Variants in TMEM132D observed in about 807,000 individuals in gnomAD.
TMEM132D encodes mature OL transmembrane protein.
Under a neutral mutation model 62.3 loss-of-function variants are expected in TMEM132D, and 21 were observed. That is an observed-to-expected ratio of 0.34 (90% confidence interval 0.24 to 0.49). The LOEUF (loss-of-function observed/expected upper bound fraction) is 0.49, where lower values mean the gene tolerates loss of function less well. Among genes scored for constraint, TMEM132D ranks in the 20% least tolerant of loss-of-function variants. The pLI, the probability that TMEM132D is intolerant of heterozygous loss-of-function variation, is 0.99. For synonymous variants in TMEM132D, 621 were observed against 575.6 expected, an observed-to-expected ratio of 1.08 and a Z score of -1.13; for missense variants, 1,346 against 1,402.8, an observed-to-expected ratio of 0.96 and a Z score of 0.65.
chr12:129,147,283 CATGTGCATATGTATATATATACAT>C (rs1565978405), intron 5 of TMEM132D, among the ~76,000 whole-genome samples: 1 of 146,566 alleles, frequency 6.8e-6, no homozygotes, highest in Non-Finnish European at 1.5e-5. Context: ...TATATATATA[CATGTGCATATGTATATATATACAT>C]ATGTGTATAT....
In TMEM132D at chr12:129,779,812, G is replaced by C. The variant is rs895121095; in HGVS notation, c.80-79114C>G. Among the ~76,000 whole-genome samples the C allele has an allele frequency of 6.6e-6, 1 of 152,112 alleles. No individual in the cohort carries two copies. The highest frequency in any genetic ancestry group is 1.5e-5 in the Non-Finnish European group (1 of 68,024). On this transcript the variant is annotated intron_variant, in intron 1 of 8. Transcript: ENST00000422113. This position sits in a 1 kb window ranked among gnomAD's most constrained non-coding sequence, Gnocchi z 4.1. The stretch of plus-strand genomic sequence containing the variant: ...CTCATGACGGCCTTAAGGTCTCTAT[G>C]CCACTTGGGGAAGACAGAGAGAAAT...
intron 1 of TMEM132D, among the ~76,000 whole-genome samples, chr12:129,750,822 G>A (rs1371263183): frequency 6.6e-6 from 1 of 152,054 alleles, no homozygotes; most frequent in African/African-American, 2.4e-5. Context: ...GTAGCTAGAA[G>A]AGAGGTTTTT....
chr12:129,106,480 T>A (rs1565965915), intron 5 of TMEM132D, among the ~76,000 whole-genome samples: 1 of 151,682 alleles, frequency 6.6e-6, no homozygotes, highest in Non-Finnish European at 1.5e-5. Flanking sequence ...AGTTAAAAAA[T>A]AAAAAAATAG....
intron 3 of TMEM132D, among the ~76,000 whole-genome samples, chr12:129,375,004 T>C (rs562785297): frequency 6.6e-5 from 10 of 152,318 alleles, no homozygotes; most frequent in Non-Finnish European, 1.3e-4. Context: ...CTCAGGGACC[T>C]GACCTAGTCT....
intron 2 of TMEM132D, among the ~76,000 whole-genome samples, chr12:129,683,667 C>T (rs867193869): frequency 3.3e-5 from 5 of 152,146 alleles, no homozygotes; most frequent in Admixed American, 6.5e-5. Context: ...ACCCCACTTC[C>T]TCCTTGCCAT....
intron 1 of TMEM132D, among the ~76,000 whole-genome samples, chr12:129,878,315 C>T (rs540955012): frequency 1.3e-5 from 2 of 152,148 alleles, no homozygotes; most frequent in Non-Finnish European, 2.9e-5. Flanking sequence ...CTTTACGTTA[C>T]TGTAATTAAG....
intron 4 of TMEM132D, among the ~76,000 whole-genome samples, chr12:129,307,621 T>C (rs779950652): frequency 3.9e-5 from 6 of 152,144 alleles, no homozygotes; most frequent in Non-Finnish European, 8.8e-5. Context: ...ACACAGAGGC[T>C]TCCTCAGACA....
At chr12:129,395,750 TATAG>T (rs1382493428) in intron 3 of TMEM132D, among the ~76,000 whole-genome samples, 4 of 149,158 alleles carry the variant, frequency 2.7e-5, no homozygotes, top group African/African-American at 9.8e-5. Flanking sequence ...TCTATATATC[TATAG>T]ATAAAATATA....
At chr12:129,178,594 GA>G (rs1028692997) in intron 5 of TMEM132D, among the ~76,000 whole-genome samples, 1 of 152,046 alleles carries the variant, frequency 6.6e-6, no homozygotes, top group Non-Finnish European at 1.5e-5. Flanking sequence ...TGATTTTAAG[GA>G]AAAACAAGAA....
chr12:129,455,284 C>T (rs924080475), intron 3 of TMEM132D, among the ~76,000 whole-genome samples: 1 of 152,192 alleles, frequency 6.6e-6, no homozygotes, highest in Non-Finnish European at 1.5e-5. Context: ...GATCCAGACC[C>T]CAGGTCCATC....
In TMEM132D at chr12:129,903,614, A is replaced by C; in HGVS notation, c.-275T>G. 2.0e-6 allele frequency: 1 copy of C among 487,820 alleles called. No individual in the cohort carries two copies. Among genetic ancestry groups the C allele is most frequent in the South Asian group, 3.1e-5 (1 of 32,040 alleles). 30.2% of individuals were successfully genotyped at this position (487,820 alleles called of 1,614,324 possible). On this transcript the variant is annotated 5_prime_UTR_variant, in exon 1 of 9. It adds an upstream start codon to the 5' untranslated region. Transcript: ENST00000422113. This position sits in a 1 kb window ranked among gnomAD's most constrained non-coding sequence, Gnocchi z 6.2. ...TTCGACCCCAACAGAATTTTTTTTAAATTTTAATCCACAGGGGGTATTTCC... is the reference window on the plus strand; with the variant it reads ...TTCGACCCCAACAGAATTTTTTTTACATTTTAATCCACAGGGGGTATTTCC...
chr12:129,722,399 T>G (rs1364437574), intron 1 of TMEM132D, among the ~76,000 whole-genome samples: 1 of 152,104 alleles, frequency 6.6e-6, no homozygotes, highest in Admixed American at 6.5e-5. Flanking sequence ...GTCACATCGG[T>G]GTGAAATTCC....
intron 4 of TMEM132D, among the ~76,000 whole-genome samples, chr12:129,230,312 G>A (rs548272594): frequency 6.6e-6 from 1 of 151,936 alleles, no homozygotes; most frequent in Admixed American, 6.5e-5. Context: ...GTTGGAGGGG[G>A]GGGGCTCCCC....
intron 2 of TMEM132D, among the ~76,000 whole-genome samples, chr12:129,589,465 T>C (rs1878130799): frequency 6.6e-6 from 1 of 152,202 alleles, no homozygotes; most frequent in Non-Finnish European, 1.5e-5. Context: ...GGATGGACAA[T>C]TGGTACCTAC....
chr12:129,830,886 G>A (rs1872808691), intron 1 of TMEM132D, among the ~76,000 whole-genome samples: 1 of 152,180 alleles, frequency 6.6e-6, no homozygotes, highest in Non-Finnish European at 1.5e-5. Context: ...GTGTTGAGAA[G>A]TGATTTTTCT....
intron 2 of TMEM132D, among the ~76,000 whole-genome samples, chr12:129,625,180 A>G (rs265624): frequency 0.28 from 42,113 of 151,806 alleles, 6,133 homozygotes; most frequent in Non-Finnish European, 0.32. Context: ...CATACCTTTT[A>G]CCCATTTTCC....
intron 2 of TMEM132D, among the ~76,000 whole-genome samples, chr12:129,588,632 T>G (rs747240550): frequency 1.3e-5 from 2 of 151,804 alleles, no homozygotes; most frequent in Non-Finnish European, 2.9e-5. Context: ...TGGAGTGCAG[T>G]GGCGCCATCT....
chr12:129,256,542 C>T (rs1014913728), intron 4 of TMEM132D, among the ~76,000 whole-genome samples: 3 of 152,166 alleles, frequency 2.0e-5, no homozygotes, highest in Non-Finnish European at 4.4e-5. Context: ...CTGCCTCAGC[C>T]TCCCTAGTAG....
intron 4 of TMEM132D, among the ~76,000 whole-genome samples, chr12:129,301,517 G>A (rs530886088): frequency 1.3e-5 from 2 of 152,138 alleles, no homozygotes; most frequent in African/African-American, 4.8e-5. Flanking sequence ...TGCTTCAAAA[G>A]CACAGACATT....
Sources: gnomAD v4.1 joint callset for allele counts (sites outside exome capture counted in the v4.1 genomes callset) on GRCh38, gnomAD v4.1.1 for gene constraint, Gnocchi (gnomAD v3.1) non-coding constraint, MANE v1.5 for transcripts, NCBI Gene and HGNC (gene_info 2026-07-23, HGNC 2026-07-21) for gene names.